Variants in CELF2 observed in about 807,000 individuals in gnomAD.
CELF2 encodes CUG triplet repeat RNA-binding protein 2.
Under a neutral mutation model 62.6 loss-of-function variants are expected in CELF2, and 8 were observed. The observed-to-expected ratio is 0.13, with a 90% confidence interval of 0.07 to 0.23. CELF2 has a LOEUF of 0.23. Ranked by LOEUF, CELF2 falls within the 10% of genes least tolerant of loss-of-function variation. CELF2 has a pLI of 1.00. For missense variants in CELF2, 333 were observed against 671.0 expected (o/e 0.50, Z 5.56); for synonymous variants, 258 against 250.0 (o/e 1.03, Z -0.30).
rs779543257 is a variant in CELF2, at chr10:10,857,649, G to GTATATATATATATATATATATA, written c.53+58844_53+58865dup. Among the ~76,000 whole-genome samples the GTATATATATATATATATATATA allele has an allele frequency of 4.6e-4, 43 of 94,190 alleles. 1 individual carries two copies. Among genetic ancestry groups the GTATATATATATATATATATATA allele is most frequent in the African/African-American group, 8.9e-4 (19 of 21,344 alleles). 61.8% of individuals were successfully genotyped at this position (94,190 alleles called of 152,430 possible). ...ATATGTGGTAAACTACATATATATA[G>GTATATATATATATATATATATA]TATATATATATATATATATATATAT... is the stretch of plus-strand genomic sequence containing the variant. On this transcript the variant is annotated intron_variant, in intron 1 of 13. Transcript: ENST00000636488.
intron 2 of CELF2, among the ~76,000 whole-genome samples, chr10:10,924,594 G>A (rs1416037989): frequency 2.0e-5 from 3 of 152,144 alleles, no homozygotes; most frequent in Non-Finnish European, 4.4e-5. Flanking sequence ...AAATAATTCG[G>A]TATATAAATC....
intron 3 of CELF2, among the ~76,000 whole-genome samples, chr10:11,219,817 G>A (rs995856353): frequency 6.6e-5 from 10 of 152,122 alleles, no homozygotes; most frequent in African/African-American, 2.2e-4. Flanking sequence ...GGTGCCTTGC[G>A]GTTTGATTAC....
At position 10,858,758 on chromosome 10, in the gene CELF2, T is replaced by TA. The variant is rs879607922; in HGVS notation, c.53+59953dup. 3.1e-3 allele frequency among the ~76,000 whole-genome samples: 449 copies of TA among 144,600 alleles called. 3 individuals carry two copies. Among genetic ancestry groups the TA allele is most frequent in the African/African-American group, 9.2e-3 (365 of 39,738 alleles). 94.9% of individuals were successfully genotyped at this position (144,600 alleles called of 152,430 possible). A position where few individuals can be genotyped will look rare whatever the true frequency, so the allele number is the denominator to read the frequency against. On this transcript the variant is annotated intron_variant, in intron 1 of 13. Transcript: ENST00000636488. The stretch of plus-strand genomic sequence containing the variant: ...AGTATCCAGGAATAGATGTATTTCC[T>TA]AAAAAAAAAAAATCTAGGGAAAATG...
the CELF2 span, among the ~76,000 whole-genome samples, chr10:10,654,751 C>T: frequency 3.5e-5 from 5 of 141,630 alleles, no homozygotes; most frequent in African/African-American, 1.3e-4. Context: ...GACAAACCCA[C>T]AGCCAATATC....
Position 11,178,275 on chromosome 10 carries a change from C to A in CELF2, c.271+12593C>A, listed in dbSNP as rs1025413974. On this transcript the variant is annotated intron_variant, in intron 2 of 12. Coordinates refer to ENST00000633077, the MANE Select transcript of CELF2 (RefSeq NM_001326342.2). This position sits in a 1 kb window ranked among gnomAD's most constrained non-coding sequence, Gnocchi z 4.3. ...CTAATGGGAACTGGACGGTGACCACCAGTCCGTTTTACACAGGCCACCATA... is the reference window on the plus strand; with the variant it reads ...CTAATGGGAACTGGACGGTGACCACAAGTCCGTTTTACACAGGCCACCATA... Among the ~76,000 whole-genome samples the A allele has an allele frequency of 4.6e-5, 7 of 152,208 alleles. No homozygotes were observed. The highest frequency in any genetic ancestry group is 1.4e-4 in the African/African-American group (6 of 41,448).
chr10:11,043,226 G>A (rs1426887844), intron 1 of CELF2, among the ~76,000 whole-genome samples: 3 of 152,108 alleles, frequency 2.0e-5, no homozygotes, highest in African/African-American at 7.2e-5. Context: ...GAGAAGGGTG[G>A]GACACAGAAA....
chr10:10,576,144 A>G, the CELF2 span, among the ~76,000 whole-genome samples: 1 of 152,148 alleles, frequency 6.6e-6, no homozygotes, highest in African/African-American at 2.4e-5. Flanking sequence ...CATGGCCAGA[A>G]CTGCAAGAGT....
intron 1 of CELF2, among the ~76,000 whole-genome samples, chr10:10,883,521 A>G (rs1460748587): frequency 6.6e-6 from 1 of 152,192 alleles, no homozygotes; most frequent in Non-Finnish European, 1.5e-5. Context: ...TGATCCCAAC[A>G]GTCATCATGG....
chr10:10,535,441 C>T, the CELF2 span, among the ~76,000 whole-genome samples: 3 of 152,072 alleles, frequency 2.0e-5, no homozygotes, highest in Admixed American at 6.6e-5. Flanking sequence ...AGGTTTGGAC[C>T]GGGTGCGGTG....
chr10:11,248,412 C>T (rs934407985), intron 3 of CELF2, among the ~76,000 whole-genome samples: 3 of 152,190 alleles, frequency 2.0e-5, no homozygotes, highest in Admixed American at 2.0e-4. Flanking sequence ...GAAGGTGTCT[C>T]CCTCCCTTCC....
At chr10:11,233,800 G>A (rs11257025) in intron 3 of CELF2, among the ~76,000 whole-genome samples, 17,932 of 152,210 alleles carry the variant, frequency 0.12, 1,117 homozygotes, top group African/African-American at 0.14. Flanking sequence ...GGACTCACCA[G>A]TTGTCATTAG....
At chr10:11,317,916 G>A (rs962473548) in intron 10 of CELF2, 3 of 152,224 alleles carry the variant, frequency 2.0e-5, no homozygotes, top group Admixed American at 1.3e-4. Context: ...TAGCATGCAT[G>A]GGAATGGAGA....
the CELF2 span, among the ~76,000 whole-genome samples, chr10:10,708,907 A>C: frequency 1.3e-5 from 2 of 152,196 alleles, no homozygotes; most frequent in African/African-American, 4.8e-5. Context: ...ATGCACGTAC[A>C]TCCAAATAGG....
At chr10:11,276,636 A>G (rs2086232606) in intron 8 of CELF2, among the ~76,000 whole-genome samples, 4 of 152,232 alleles carry the variant, frequency 2.6e-5, no homozygotes, top group Non-Finnish European at 5.9e-5. Context: ...CTCGCATAGT[A>G]TGGACTCACC....
intron 1 of CELF2, among the ~76,000 whole-genome samples, chr10:11,139,477 T>G (rs187496471): frequency 3.6e-4 from 55 of 152,370 alleles, no homozygotes; most frequent in Admixed American, 3.3e-3. Flanking sequence ...AACTTTGCAT[T>G]ATTATTTATG....
chr10:10,465,725 A>C, the CELF2 span, among the ~76,000 whole-genome samples: 506 of 152,246 alleles, frequency 3.3e-3, 5 homozygotes, highest in Non-Finnish European at 2.6e-3. Flanking sequence ...CAACACTATA[A>C]TTCTTTTATT....
At chr10:11,043,004 A>G (rs7896886) in intron 1 of CELF2, among the ~76,000 whole-genome samples, 33,331 of 152,146 alleles carry the variant, frequency 0.22, 3,833 homozygotes, top group Middle Eastern at 0.3. Flanking sequence ...TTTGTGTGAA[A>G]ACTTATTTTT....
At chr10:10,823,204 G>T (rs117518410) in intron 1 of CELF2, among the ~76,000 whole-genome samples, 36 of 152,262 alleles carry the variant, frequency 2.4e-4, no homozygotes, top group African/African-American at 8.7e-4. Flanking sequence ...TATAGGTATG[G>T]CCTGTACCTT....
At chr10:10,567,355 C>A in the CELF2 span, among the ~76,000 whole-genome samples, 1 of 152,170 alleles carries the variant, frequency 6.6e-6, no homozygotes, top group South Asian at 2.1e-4. Context: ...ATCAATTAAA[C>A]TTCAGCAAGT....
Sources: allele counts gnomAD v4.1 joint callset (sites outside exome capture counted in the v4.1 genomes callset), GRCh38; gene constraint gnomAD v4.1.1; non-coding constraint Gnocchi (gnomAD v3.1); transcripts MANE v1.5; gene names NCBI Gene and HGNC (gene_info 2026-07-23, HGNC 2026-07-21).